The following LRRN2 variants were observed in gnomAD, a reference collection of about 807,000 sequenced individuals.
The protein encoded by LRRN2 is leucine rich repeat neuronal 2.
Under a neutral mutation model 35.7 loss-of-function variants are expected in LRRN2, and 10 were observed. The observed-to-expected ratio is 0.28, with a 90% CI of 0.17 to 0.47. LRRN2 has a LOEUF of 0.47. Ranked by LOEUF, LRRN2 falls within the 20% of genes least tolerant of loss-of-function variation. The probability of loss-of-function intolerance (pLI) is 0.99; values close to 1 mark genes in which losing one functional copy is unlikely to be tolerated. For synonymous variants in LRRN2, 391 were observed against 409.6 expected, an observed-to-expected ratio of 0.95 and a Z score of 0.55; for missense variants, 731 against 940.3, an observed-to-expected ratio of 0.78 and a Z score of 2.91.
chr1:204,684,273 G>A (rs1272834426), intron 1 of LRRN2, among the ~76,000 whole-genome samples: 1 of 152,190 alleles, frequency 6.6e-6, no homozygotes, highest in East Asian at 1.9e-4. Context: ...TCTGGCAACT[G>A]AGCGCTGTGC....
At chr1:204,668,788 A>G (rs1348564259) in intron 1 of LRRN2, among the ~76,000 whole-genome samples, 1 of 152,186 alleles carries the variant, frequency 6.6e-6, no homozygotes, top group East Asian at 1.9e-4. Flanking sequence ...ATCGAACACG[A>G]TAATATATGT....
At chr1:204,642,023 G>A (rs1667989158) in intron 1 of LRRN2, among the ~76,000 whole-genome samples, 1 of 152,204 alleles carries the variant, frequency 6.6e-6, no homozygotes, top group African/African-American at 2.4e-5. Flanking sequence ...TGTTAGGGGA[G>A]GTGGCAGGCA....
At position 204,681,794 on chromosome 1, in the gene LRRN2, T is replaced by C. The variant is rs571027480; in HGVS notation, c.-227+3526A>G. ...CTGGAAAGTAACAGATAAAGGCATCTTTCTGACTCGTCCTTTCAGCAATCT... is the reference window on the plus strand; with the variant it reads ...CTGGAAAGTAACAGATAAAGGCATCCTTCTGACTCGTCCTTTCAGCAATCT... On this transcript the variant is annotated intron_variant, in intron 1 of 1. Coordinates refer to ENST00000367177, the MANE Select transcript of LRRN2 (RefSeq NM_201630.2). Among the ~76,000 whole-genome samples, 3 of 152,368 alleles carry C rather than the reference T, an allele frequency of 2.0e-5. No individual in the cohort carries two copies. In the South Asian group the frequency reaches 6.2e-4, roughly 32 times the overall value.
intron 1 of LRRN2, chr1:204,626,949 CTTTTTCT>C (rs1160898512): frequency 1.5e-5 from 2 of 137,520 alleles, no homozygotes; most frequent in Non-Finnish European, 3.1e-5. Flanking sequence ...TTTCTTTTTT[CTTTTTCT>C]TTTTTTTTTT....
In LRRN2 at chr1:204,685,297, CAGCCCCGA is replaced by C. The variant is rs952462887; in HGVS notation, c.-227+15_-227+22del. On this transcript the variant is annotated intron_variant, in intron 1 of 1. Transcript: ENST00000367177. The stretch of plus-strand genomic sequence containing the variant: ...CCGGCGGCGGCGGCGCTGCCCAGGT[CAGCCCCGA>C]AGCTGCACACTCACCCCGTGGGCGC... The C allele has an allele frequency of 6.6e-6, 1 of 152,124 alleles. No individual in the cohort carries two copies. Among genetic ancestry groups the C allele is most frequent in the African/African-American group, 2.4e-5 (1 of 41,424 alleles). The allele number at this position is 152,124 out of a possible 1,614,324, so 9.4% of individuals were successfully genotyped here. A position where few individuals can be genotyped will look rare whatever the true frequency, so the allele number is the denominator to read the frequency against.
chr1:204,679,267 A>C (rs1668887615), intron 1 of LRRN2, among the ~76,000 whole-genome samples: 1 of 152,056 alleles, frequency 6.6e-6, no homozygotes, highest in South Asian at 2.1e-4. Flanking sequence ...CAGCTTTTAA[A>C]TGTCTCACTT....
intron 1 of LRRN2, among the ~76,000 whole-genome samples, chr1:204,667,294 G>A (rs1450447354): frequency 6.6e-6 from 1 of 152,182 alleles, no homozygotes; most frequent in Non-Finnish European, 1.5e-5. Flanking sequence ...CAAGATGTTG[G>A]CACTGGGGGA....
At chr1:204,634,918 C>T (rs1395388589) in intron 1 of LRRN2, among the ~76,000 whole-genome samples, 2 of 152,192 alleles carry the variant, frequency 1.3e-5, no homozygotes, top group African/African-American at 2.4e-5. Flanking sequence ...AAGACTAGTA[C>T]TATCCCTTTT....
intron 1 of LRRN2, among the ~76,000 whole-genome samples, chr1:204,641,652 T>C (rs4951088): frequency 0.54 from 82,533 of 152,138 alleles, 23,689 homozygotes; most frequent in East Asian, 0.68. Flanking sequence ...GCAACTGATC[T>C]GAGGTCACAC....
intron 1 of LRRN2, among the ~76,000 whole-genome samples, chr1:204,668,720 C>A (rs908175038): frequency 1.3e-5 from 2 of 152,162 alleles, no homozygotes; most frequent in African/African-American, 4.8e-5. Flanking sequence ...GTGAAACAGG[C>A]GATCATAATA....
At chr1:204,680,837 C>G (rs1262821633) in intron 1 of LRRN2, among the ~76,000 whole-genome samples, 1 of 152,244 alleles carries the variant, frequency 6.6e-6, no homozygotes, top group African/African-American at 2.4e-5. Flanking sequence ...CCCAAATACC[C>G]TCATCACCTG....
intron 1 of LRRN2, among the ~76,000 whole-genome samples, chr1:204,675,773 T>C (rs1668812698): frequency 6.6e-6 from 1 of 152,240 alleles, no homozygotes; most frequent in African/African-American, 2.4e-5. Context: ...CTACCATACA[T>C]TGAAAAATGG....
In LRRN2 at chr1:204,651,924, C is replaced by T. The variant is rs1668233447; in HGVS notation, c.-226-31706G>A. 6.6e-5 allele frequency among the ~76,000 whole-genome samples: 10 copies of T among 152,220 alleles called. No individual in the cohort carries two copies. The South Asian group carries it at 2.1e-3, about 32-fold the overall frequency. On this transcript the variant is annotated intron_variant, in intron 1 of 1. Transcript: ENST00000367177. The stretch of plus-strand genomic sequence containing the variant: ...CCTGCCCCGAGGCTGCTTCCTTTCT[C>T]CCCTGGCCCAACTCCCTTCCCCAGC...
At chr1:204,626,429 TC>T (rs1325008419) in intron 1 of LRRN2, among the ~76,000 whole-genome samples, 10 of 152,170 alleles carry the variant, frequency 6.6e-5, no homozygotes, top group African/African-American at 2.4e-4. Flanking sequence ...TGGCTATTTT[TC>T]CTTCCACACC....
At position 204,638,402 on chromosome 1, in the gene LRRN2, CTTTTTTTTTTTTT is replaced by C. The variant is rs971289134; in HGVS notation, c.-226-18197_-226-18185del. 5.9e-4 allele frequency among the ~76,000 whole-genome samples: 42 copies of C among 71,688 alleles called. 1 individual carries two copies. The highest frequency in any genetic ancestry group is 3.1e-3 in the Admixed American group (16 of 5,084). 47.0% of individuals were successfully genotyped at this position (71,688 alleles called of 152,430 possible). A position where few individuals can be genotyped will look rare whatever the true frequency, so the allele number is the denominator to read the frequency against. ...GTGAAGTAACTTGCCCAAGGTCTTC[CTTTTTTTTTTTTT>C]TTTTTTTTTTTTTTGAGACGGAGTC... On this transcript the variant is annotated intron_variant, in intron 1 of 1. Coordinates refer to ENST00000367177, the MANE Select transcript of LRRN2 (RefSeq NM_201630.2).
At chr1:204,678,558 T>TA (rs1171699930) in intron 1 of LRRN2, among the ~76,000 whole-genome samples, 2 of 152,156 alleles carry the variant, frequency 1.3e-5, no homozygotes, top group Admixed American at 6.5e-5. Context: ...CTCCTAGAGC[T>TA]AACCTCCTCC....
At chr1:204,622,636 T>G (rs1340407055) in intron 1 of LRRN2, among the ~76,000 whole-genome samples, 5 of 152,008 alleles carry the variant, frequency 3.3e-5, no homozygotes, top group Non-Finnish European at 7.4e-5. Flanking sequence ...GAGGGAATTT[T>G]GTGGTGGTCT....
At chr1:204,626,029 T>C (rs1172574700) in intron 1 of LRRN2, among the ~76,000 whole-genome samples, 2 of 152,154 alleles carry the variant, frequency 1.3e-5, no homozygotes. Flanking sequence ...CACAGAGTTC[T>C]GGAGCACTAG....
At chr1:204,675,542 T>C (rs1046995185) in intron 1 of LRRN2, among the ~76,000 whole-genome samples, 1 of 152,196 alleles carries the variant, frequency 6.6e-6, no homozygotes, top group African/African-American at 2.4e-5. Context: ...CACTGGCAGG[T>C]CCAGCCTTTC....
Sources: gnomAD v4.1 joint callset for allele counts (sites outside exome capture counted in the v4.1 genomes callset) on GRCh38, gnomAD v4.1.1 for gene constraint, MANE v1.5 for transcripts, NCBI Gene and HGNC (gene_info 2026-07-23, HGNC 2026-07-21) for gene names.